Variants in ZNF423 observed in about 807,000 individuals in gnomAD.
ZNF423 encodes zinc finger protein 423.
In ZNF423, 12 loss-of-function variants were observed where a neutral mutation model predicts 95.8. That is an observed-to-expected ratio of 0.13 (90% CI 0.08 to 0.20). The LOEUF (loss-of-function observed/expected upper bound fraction) is 0.20. Among genes scored for constraint, ZNF423 ranks in the 10% least tolerant of loss-of-function variants. ZNF423 has a pLI of 1.00. For missense variants in ZNF423, 1,316 were observed against 1,737.1 expected, an observed-to-expected ratio of 0.76 and a Z score of 4.31; for synonymous variants, 749 against 711.9, an observed-to-expected ratio of 1.05 and a Z score of -0.83.
intron 1 of ZNF423, chr16:49,854,593 C>A (rs946272323): frequency 3.8e-5 from 37 of 985,328 alleles, no homozygotes; most frequent in Non-Finnish European, 4.3e-5. Flanking sequence ...ATCGTTCCCC[C>A]CTTCCTCGAT....
chr16:49,842,318 GAAGGGA>G (rs1436489544), intron 1 of ZNF423, among the ~76,000 whole-genome samples: 16 of 67,014 alleles, frequency 2.4e-4, no homozygotes, highest in African/African-American at 6.7e-4. Context: ...CGAGGGAAGG[GAAGGGA>G]AGGGAAGGGA....
chr16:49,505,566 A>C (rs542299427), intron 7 of ZNF423, among the ~76,000 whole-genome samples: 86 of 152,110 alleles, frequency 5.7e-4, no homozygotes, highest in Non-Finnish European at 1.0e-3. Context: ...GCAGGGCAGA[A>C]GCTTGTAAGG....
At chr16:49,831,111 C>G (rs1402351136) in intron 1 of ZNF423, among the ~76,000 whole-genome samples, 3 of 152,126 alleles carry the variant, frequency 2.0e-5, no homozygotes, top group Non-Finnish European at 4.4e-5. Context: ...GGGGGAACAC[C>G]TGGCCAGAGC....
intron 2 of ZNF423, among the ~76,000 whole-genome samples, chr16:49,782,574 G>A (rs1437853512): frequency 6.6e-6 from 1 of 152,248 alleles, no homozygotes; most frequent in Non-Finnish European, 1.5e-5. Flanking sequence ...CCACAAGTGT[G>A]TCTGTCACCA....
chr16:49,498,913 C>T (rs1415863871), intron 7 of ZNF423, among the ~76,000 whole-genome samples: 1 of 152,196 alleles, frequency 6.6e-6, no homozygotes, highest in African/African-American at 2.4e-5. Flanking sequence ...CGAGAGCACA[C>T]CATAAACAGC....
At chr16:49,812,673 C>T (rs2034772663) in intron 1 of ZNF423, among the ~76,000 whole-genome samples, 1 of 152,104 alleles carries the variant, frequency 6.6e-6, no homozygotes, top group Admixed American at 6.5e-5. Context: ...GCGTGAGATC[C>T]CATCTCAGAA....
chr16:49,591,993 A>G (rs934538972), intron 5 of ZNF423, among the ~76,000 whole-genome samples: 9 of 152,266 alleles, frequency 5.9e-5, no homozygotes, highest in African/African-American at 1.9e-4. Context: ...GGGAAAATTC[A>G]GCAAGCTATC....
At chr16:49,628,266 A>G (rs1315461962) in intron 4 of ZNF423, among the ~76,000 whole-genome samples, 1 of 146,282 alleles carries the variant, frequency 6.8e-6, no homozygotes, top group Non-Finnish European at 1.5e-5. Flanking sequence ...CTACCCATCC[A>G]TCTCCCTATC....
chr16:49,543,045 A>C (rs1969307795), intron 5 of ZNF423, among the ~76,000 whole-genome samples: 1 of 152,172 alleles, frequency 6.6e-6, no homozygotes, highest in Non-Finnish European at 1.5e-5. Flanking sequence ...CCAAAGATCC[A>C]ATATTTGTAT....
At chr16:49,555,977 A>C (rs1969812495) in intron 5 of ZNF423, among the ~76,000 whole-genome samples, 2 of 151,738 alleles carry the variant, frequency 1.3e-5, no homozygotes, top group African/African-American at 4.8e-5. Flanking sequence ...AGCACACACA[A>C]GAAGATGATC....
At chr16:49,720,697 G>A (rs2032840270) in intron 3 of ZNF423, among the ~76,000 whole-genome samples, 1 of 152,222 alleles carries the variant, frequency 6.6e-6, no homozygotes, top group Non-Finnish European at 1.5e-5. Flanking sequence ...ATTGATAACT[G>A]ATACCTGACA....
intron 5 of ZNF423, among the ~76,000 whole-genome samples, chr16:49,605,847 G>T (rs926646309): frequency 2.0e-5 from 3 of 152,202 alleles, no homozygotes; most frequent in Admixed American, 6.5e-5. Context: ...GTGAAACAAG[G>T]AGCAGATGTG....
At chr16:49,633,087 A>G (rs1452153140) in intron 4 of ZNF423, among the ~76,000 whole-genome samples, 1 of 152,202 alleles carries the variant, frequency 6.6e-6, no homozygotes, top group Non-Finnish European at 1.5e-5. Context: ...CTGTTGGTCA[A>G]GATCAGGGGC....
chr16:49,851,502 G>C (rs549061046), intron 1 of ZNF423, among the ~76,000 whole-genome samples: 2 of 152,220 alleles, frequency 1.3e-5, no homozygotes, highest in African/African-American at 4.8e-5. Context: ...GATTGAACCA[G>C]ATCCCCAGCC....
intron 1 of ZNF423, among the ~76,000 whole-genome samples, chr16:49,846,672 T>C (rs1242917214): frequency 6.6e-6 from 1 of 152,106 alleles, no homozygotes; most frequent in Non-Finnish European, 1.5e-5. Context: ...TGCCTCCTCT[T>C]TCCATCTCCC....
At chr16:49,599,823 G>T (rs1442957196) in intron 5 of ZNF423, among the ~76,000 whole-genome samples, 3 of 152,188 alleles carry the variant, frequency 2.0e-5, no homozygotes, top group Non-Finnish European at 4.4e-5. Flanking sequence ...CATCCACCGT[G>T]GAAGACGTCA....
chr16:49,791,498 T>C (rs1455979559), intron 1 of ZNF423, among the ~76,000 whole-genome samples: 2 of 152,164 alleles, frequency 1.3e-5, no homozygotes, highest in African/African-American at 4.8e-5. Flanking sequence ...CACATGTAAA[T>C]ATATGGTGCT....
chr16:49,817,597 T>C (rs771585542), intron 1 of ZNF423, among the ~76,000 whole-genome samples: 2 of 152,062 alleles, frequency 1.3e-5, no homozygotes, highest in Admixed American at 6.5e-5. Flanking sequence ...CTTAGCCTGA[T>C]TGAGGACAGC....
At chr16:49,752,060 G>A (rs746864693) in intron 2 of ZNF423, among the ~76,000 whole-genome samples, 8 of 152,214 alleles carry the variant, frequency 5.3e-5, no homozygotes, top group East Asian at 3.9e-4. Flanking sequence ...CTCCTGGCCC[G>A]TATCAAAGTG....
Sources: allele counts gnomAD v4.1 joint callset (sites outside exome capture counted in the v4.1 genomes callset), GRCh38; gene constraint gnomAD v4.1.1; transcripts MANE v1.5; gene names NCBI Gene and HGNC (gene_info 2026-07-23, HGNC 2026-07-21).